UNC79: variants seen among roughly 807,000 people sequenced by gnomAD.
UNC79 encodes protein unc-79 homolog.
Under a neutral mutation model 283.1 loss-of-function variants are expected in UNC79, and 37 were observed. The ratio of observed to expected loss-of-function variants is 0.13; its 90% confidence interval spans 0.10 to 0.17. The LOEUF (loss-of-function observed/expected upper bound fraction) is 0.17. Ranked by LOEUF, UNC79 falls within the 10% of genes least tolerant of loss-of-function variation. The pLI, the probability that UNC79 is intolerant of heterozygous loss-of-function variation, is 1.00. For missense variants in UNC79, 2,272 were observed against 3,211.1 expected, an observed-to-expected ratio of 0.71 and a Z score of 7.07; for synonymous variants, 1,107 against 1,200.2, an observed-to-expected ratio of 0.92 and a Z score of 1.61.
chr14:93,471,328 C>T (rs2057488778), intron 2 of UNC79, among the ~76,000 whole-genome samples: 1 of 152,148 alleles, frequency 6.6e-6, no homozygotes, highest in Non-Finnish European at 1.5e-5. Context: ...ATACATACCT[C>T]AGGGCAACTT....
chr14:93,346,786 C>A (rs1378442831), intron 1 of UNC79, among the ~76,000 whole-genome samples: 2 of 151,894 alleles, frequency 1.3e-5, no homozygotes, highest in Non-Finnish European at 2.9e-5. Flanking sequence ...CCTTACCCTG[C>A]AGAAAAGAGA....
At chr14:93,566,601 T>G (rs1269013026) in intron 14 of UNC79, among the ~76,000 whole-genome samples, 1 of 151,968 alleles carries the variant, frequency 6.6e-6, no homozygotes, top group African/African-American at 2.4e-5. Flanking sequence ...CTCCACAACC[T>G]TGGTTCGATT....
intron 7 of UNC79, among the ~76,000 whole-genome samples, chr14:93,515,286 G>GTA (rs1178760163): frequency 6.6e-6 from 1 of 151,878 alleles, no homozygotes; most frequent in Non-Finnish European, 1.5e-5. Flanking sequence ...GTGTGTGTGT[G>GTA]TGTGTATTTC....
rs531030820 is a variant in UNC79 at position 93,578,207 on chromosome 14, G to T, written c.2433+144G>T. 2.2e-5 allele frequency: 17 copies of T among 762,218 alleles called. No homozygotes were observed. In the East Asian group the frequency reaches 4.6e-4, roughly 21 times the overall value. 47.2% of individuals were successfully genotyped at this position (762,218 alleles called of 1,614,324 possible). On this transcript the variant is annotated intron_variant, in intron 18 of 48. Transcript: ENST00000555664. ...AAGACCTTTTGCAAACTCCTTTGGA[G>T]ATTTTCTAAAAAGTCTGAAAACTAC... is the stretch of plus-strand genomic sequence containing the variant.
chr14:93,540,859 A>G (rs763893975), intron 13 of UNC79, 28 bp downstream of exon 13: 12 of 1,609,114 alleles, frequency 7.5e-6, no homozygotes, highest in Non-Finnish European at 9.3e-6. Flanking sequence ...ACTATTCTCC[A>G]CTTTCTTATT....
intron 1 of UNC79, among the ~76,000 whole-genome samples, chr14:93,338,052 G>A (rs960075308): frequency 6.6e-5 from 10 of 152,216 alleles, no homozygotes; most frequent in South Asian, 6.2e-4. Context: ...ACTGCTCTGC[G>A]CCTGGCTCGC....
intron 11 of UNC79, among the ~76,000 whole-genome samples, chr14:93,536,379 T>G (rs2061075035): frequency 2.0e-5 from 3 of 152,334 alleles, no homozygotes; most frequent in Admixed American, 2.0e-4. Flanking sequence ...GGAGCTGGTC[T>G]CTTTGGCTCT....
intron 48 of UNC79, among the ~76,000 whole-genome samples, chr14:93,705,616 G>A (rs1314049206): frequency 2.0e-5 from 3 of 152,246 alleles, no homozygotes; most frequent in African/African-American, 2.4e-5. Flanking sequence ...GCCTGAATAT[G>A]TTTCCCAGCC....
intron 22 of UNC79, among the ~76,000 whole-genome samples, chr14:93,592,683 C>G (rs1220381068): frequency 6.6e-6 from 1 of 150,380 alleles, no homozygotes; most frequent in Non-Finnish European, 1.5e-5. Context: ...AAATAGAAAA[C>G]AAAACAAAAC....
upstream of UNC79, chr14:93,333,201 G>A: frequency 2.5e-6 from 1 of 395,662 alleles, no homozygotes; most frequent in Non-Finnish European, 4.4e-6. Flanking sequence ...ATCCATGGGA[G>A]CGGAGTGCGC....
rs185344304 is a variant in UNC79 at position 93,585,418 on chromosome 14, C to A, written c.2804-1178C>A. Among the ~76,000 whole-genome samples the A allele has an allele frequency of 9.2e-5, 14 of 152,304 alleles. No homozygotes were observed. The East Asian group carries it at 2.1e-3, about 23-fold the overall frequency. On this transcript the variant is annotated intron_variant, in intron 20 of 48. Coordinates refer to ENST00000555664, the Ensembl canonical transcript of UNC79. ...TGTTTCCCTTTTTCCCATCTTGAGGCCTGGCCCTATTTCTTATCATGGTCA... is the reference window on the plus strand; with the variant it reads ...TGTTTCCCTTTTTCCCATCTTGAGGACTGGCCCTATTTCTTATCATGGTCA...
intron 1 of UNC79, among the ~76,000 whole-genome samples, chr14:93,409,378 A>G (rs1284086006): frequency 1.3e-5 from 2 of 152,188 alleles, no homozygotes; most frequent in African/African-American, 4.8e-5. Context: ...TTATGAAGAA[A>G]ACTACAGCAT....
At chr14:93,651,043 C>A (rs540311541) in intron 35 of UNC79, among the ~76,000 whole-genome samples, 3 of 152,154 alleles carry the variant, frequency 2.0e-5, no homozygotes, top group African/African-American at 7.2e-5. Context: ...AAGATATTTT[C>A]TTTTCTTATT....
chr14:93,378,572 G>A (rs2054606166), intron 1 of UNC79, among the ~76,000 whole-genome samples: 2 of 151,838 alleles, frequency 1.3e-5, no homozygotes, highest in Non-Finnish European at 2.9e-5. Flanking sequence ...ATTCATTTAT[G>A]TTTCATATGA....
chr14:93,453,278 G>T (rs1307057171), intron 1 of UNC79, among the ~76,000 whole-genome samples: 2 of 152,154 alleles, frequency 1.3e-5, no homozygotes, highest in Non-Finnish European at 2.9e-5. Context: ...TGGATAGGTG[G>T]TTGATAATTC....
intron 19 of UNC79, among the ~76,000 whole-genome samples, chr14:93,581,659 A>T (rs951127773): frequency 2.0e-5 from 3 of 151,568 alleles, no homozygotes; most frequent in African/African-American, 7.3e-5. Flanking sequence ...ACGCCCAGCT[A>T]ATTTTTGTAT....
chr14:93,542,283 C>T (rs537074062), intron 13 of UNC79, among the ~76,000 whole-genome samples, 183 bp from the exon 14 acceptor site: 1 of 152,172 alleles, frequency 6.6e-6, no homozygotes, highest in Middle Eastern at 3.2e-3. Flanking sequence ...TTGTTGCAAT[C>T]CATCTATCCC....
At chr14:93,638,599 A>G (rs1298690731) in intron 32 of UNC79, among the ~76,000 whole-genome samples, 1 of 152,190 alleles carries the variant, frequency 6.6e-6, no homozygotes, top group Non-Finnish European at 1.5e-5. Flanking sequence ...CAAAATCTTC[A>G]GCTTCAAAGT....
chr14:93,673,111 G>A (rs1166396199), intron 40 of UNC79, among the ~76,000 whole-genome samples: 2 of 152,176 alleles, frequency 1.3e-5, no homozygotes, highest in African/African-American at 2.4e-5. Flanking sequence ...GTGTTTAAGA[G>A]ATAGCTTATC....
Sources: allele counts gnomAD v4.1 joint callset (sites outside exome capture counted in the v4.1 genomes callset), GRCh38; gene constraint gnomAD v4.1.1; transcripts MANE v1.5; gene names NCBI Gene and HGNC (gene_info 2026-07-23, HGNC 2026-07-21).